THSD7B: variants seen among roughly 807,000 people sequenced by gnomAD.
THSD7B encodes thrombospondin type 1 domain containing 7B.
A neutral mutation model predicts 213.6 loss-of-function variants in THSD7B; 138 were observed. That is an observed-to-expected ratio of 0.65 (90% CI 0.56 to 0.74). The LOEUF (loss-of-function observed/expected upper bound fraction) is 0.74, where lower values mean the gene tolerates loss of function less well. THSD7B is among the 30% of genes least tolerant of loss of function. THSD7B has a pLI of 0.00. For missense variants in THSD7B, 1,931 were observed against 1,991.5 expected, an observed-to-expected ratio of 0.97 and a Z score of 0.58; for synonymous variants, 742 against 687.0, an observed-to-expected ratio of 1.08 and a Z score of -1.25.
chr2:136,770,738 A>G (rs939358650), intron 1 of THSD7B, among the ~76,000 whole-genome samples: 1 of 152,212 alleles, frequency 6.6e-6, no homozygotes, highest in African/African-American at 2.4e-5. Context: ...AATGAATGCA[A>G]TCATTGGCAT....
intron 2 of THSD7B, among the ~76,000 whole-genome samples, chr2:137,010,356 C>T (rs1035595359): frequency 1.3e-5 from 2 of 152,214 alleles, no homozygotes; most frequent in African/African-American, 4.8e-5. Flanking sequence ...ATCTCATCTT[C>T]ACCTCTCACC....
chr2:136,826,324 A>G (rs1682645949), intron 1 of THSD7B, among the ~76,000 whole-genome samples: 1 of 152,210 alleles, frequency 6.6e-6, no homozygotes, highest in African/African-American at 2.4e-5. Flanking sequence ...ATTTGCACAA[A>G]ATAAACTGTA....
chr2:137,551,676 A>AT (rs1680851022), intron 15 of THSD7B, among the ~76,000 whole-genome samples: 1 of 152,156 alleles, frequency 6.6e-6, no homozygotes, highest in Non-Finnish European at 1.5e-5. Flanking sequence ...TATTAGTTTC[A>AT]TTTTTTGGTT....
chr2:137,006,617 C>A (rs1205729508), intron 2 of THSD7B, among the ~76,000 whole-genome samples: 3 of 152,160 alleles, frequency 2.0e-5, no homozygotes, highest in Non-Finnish European at 2.9e-5. Flanking sequence ...ATGCCACCAA[C>A]TCCCCCAAAT....
At chr2:136,986,718 A>G (rs776077515) in intron 2 of THSD7B, among the ~76,000 whole-genome samples, 5 of 152,154 alleles carry the variant, frequency 3.3e-5, no homozygotes, top group Non-Finnish European at 7.4e-5. Flanking sequence ...TGAAAGTCAG[A>G]TTAGTGTTCA....
intron 7 of THSD7B, among the ~76,000 whole-genome samples, chr2:137,215,910 A>G (rs1463134551): frequency 6.6e-6 from 1 of 152,208 alleles, no homozygotes; most frequent in Non-Finnish European, 1.5e-5. Flanking sequence ...AGAAGTAAAT[A>G]AAGATAGTGA....
At chr2:137,584,901 A>C (rs1355146521) in intron 17 of THSD7B, among the ~76,000 whole-genome samples, 1 of 152,198 alleles carries the variant, frequency 6.6e-6, no homozygotes, top group Non-Finnish European at 1.5e-5. Context: ...GAATAGTTTC[A>C]GAAGGAATGG....
rs1440772090 is a variant in THSD7B, at chr2:137,546,376, A to T, written c.3139-16845A>T. Among the ~76,000 whole-genome samples, 6 of 44,360 alleles carry T rather than the reference A, an allele frequency of 1.4e-4. 1 individual carries two copies. Among genetic ancestry groups the T allele is most frequent in the African/African-American group, 2.1e-4 (2 of 9,498 alleles). The allele number at this position is 44,360 out of a possible 152,430, so 29.1% of individuals were successfully genotyped here. A position where few individuals can be genotyped will look rare whatever the true frequency, so the allele number is the denominator to read the frequency against. ...ATATATATATATTATATATATATATAATATATATATTATATATATTATATA... is the reference window on the plus strand; with the variant it reads ...ATATATATATATTATATATATATATTATATATATATTATATATATTATATA... On this transcript the variant is annotated intron_variant, in intron 15 of 27. Transcript: ENST00000409968.
At position 137,604,184 on chromosome 2, in the gene THSD7B, C is replaced by G. The variant is rs1400020963; in HGVS notation, c.3424-11991C>G. Among the ~76,000 whole-genome samples, 27 of 152,026 alleles carry G rather than the reference C, an allele frequency of 1.8e-4. 1 individual carries two copies. Among genetic ancestry groups the G allele is most frequent in the Admixed American group, 1.7e-3 (26 of 15,244 alleles). ...AATAAATATTTCTAATTGCTCATAG[C>G]TTCCTGAAAGTAAGGAAAGAGTTTT... On this transcript the variant is annotated intron_variant, in intron 17 of 27. Transcript: ENST00000409968.
Position 137,508,526 on chromosome 2 carries a change from G to T in THSD7B, c.3139-54695G>T, listed in dbSNP as rs549931883. Among the ~76,000 whole-genome samples the T allele has an allele frequency of 6.0e-5, 9 of 148,804 alleles. No homozygotes were observed. The East Asian group carries it at 1.8e-3, about 30-fold the overall frequency. On this transcript the variant is annotated intron_variant, in intron 15 of 27. Coordinates refer to ENST00000409968, the MANE Select transcript of THSD7B (RefSeq NM_001316349.2). ...CGAGTAGCTGGGACTACAGGCGCCT[G>T]CCACCATGCCCGGCTAATTTTTTTT...
chr2:137,060,394 AG>A (rs1294893061), intron 3 of THSD7B, among the ~76,000 whole-genome samples: 1 of 149,670 alleles, frequency 6.7e-6, no homozygotes, highest in Non-Finnish European at 1.5e-5. Flanking sequence ...TATTTTTTCA[AG>A]GATCTTTTTT....
At chr2:137,515,019 T>C (rs1680041209) in intron 15 of THSD7B, among the ~76,000 whole-genome samples, 1 of 152,160 alleles carries the variant, frequency 6.6e-6, no homozygotes, top group South Asian at 2.1e-4. Flanking sequence ...TTATCTCCTG[T>C]AGAGAAAGCG....
At chr2:137,435,087 C>G (rs960037076) in intron 14 of THSD7B, among the ~76,000 whole-genome samples, 2 of 152,116 alleles carry the variant, frequency 1.3e-5, no homozygotes, top group African/African-American at 4.8e-5. Context: ...CACTCCAGCC[C>G]CTTCCCCTCA....
At chr2:137,235,325 T>A (rs2105058455) in intron 9 of THSD7B, among the ~76,000 whole-genome samples, 1 of 152,340 alleles carries the variant, frequency 6.6e-6, no homozygotes, top group African/African-American at 2.4e-5. Context: ...TATTATTCTT[T>A]ATAGTGATGA....
At chr2:137,392,528 T>A (rs1218943853) in intron 12 of THSD7B, among the ~76,000 whole-genome samples, 1 of 152,162 alleles carries the variant, frequency 6.6e-6, no homozygotes. Context: ...CATAAACTGT[T>A]TTTTATTTAA....
chr2:137,132,081 G>A (rs1688743429), intron 5 of THSD7B, among the ~76,000 whole-genome samples: 1 of 149,078 alleles, frequency 6.7e-6, no homozygotes, highest in African/African-American at 2.5e-5. Context: ...AGTTCTCCTT[G>A]AAGAGGTCCT....
chr2:137,367,127 C>T (rs1302469859), intron 12 of THSD7B, among the ~76,000 whole-genome samples: 1 of 151,844 alleles, frequency 6.6e-6, no homozygotes, highest in East Asian at 1.9e-4. Flanking sequence ...CATGATGCAT[C>T]AAGTAGCTAA....
intron 3 of THSD7B, among the ~76,000 whole-genome samples, chr2:137,057,912 A>G (rs1687200923): frequency 6.6e-6 from 1 of 152,244 alleles, no homozygotes; most frequent in Non-Finnish European, 1.5e-5. Context: ...AAACATCATG[A>G]CATAAACTCA....
chr2:137,155,170 T>C (rs1373620721), intron 5 of THSD7B, among the ~76,000 whole-genome samples: 2 of 152,244 alleles, frequency 1.3e-5, no homozygotes, highest in East Asian at 3.8e-4. Context: ...CTGAGTTATA[T>C]GTTATTTTGA....
Sources: gnomAD v4.1 joint callset for allele counts (sites outside exome capture counted in the v4.1 genomes callset) on GRCh38, gnomAD v4.1.1 for gene constraint, MANE v1.5 for transcripts, NCBI Gene and HGNC (gene_info 2026-07-23, HGNC 2026-07-21) for gene names.